ULK4: variants seen among roughly 807,000 people sequenced by gnomAD.
The protein encoded by ULK4 is inactive serine/threonine-protein kinase ULK4.
ULK4 carries 133 observed loss-of-function variants against 160.6 expected under a neutral mutation model. The observed-to-expected ratio is 0.83, with a 90% confidence interval of 0.72 to 0.96. The LOEUF (loss-of-function observed/expected upper bound fraction) is 0.96. Among genes scored for constraint, ULK4 ranks in the 40% least tolerant of loss-of-function variants. The probability of loss-of-function intolerance (pLI) is 0.00; values close to 1 mark genes in which losing one functional copy is unlikely to be tolerated. For missense variants in ULK4, 1,580 were observed against 1,499.5 expected (o/e 1.05, Z -0.89); for synonymous variants, 534 against 539.8 (o/e 0.99, Z 0.15).
chr3:41,471,070 A>T (rs1046559653), intron 32 of ULK4, among the ~76,000 whole-genome samples: 1 of 152,066 alleles, frequency 6.6e-6, no homozygotes, highest in Non-Finnish European at 1.5e-5. Flanking sequence ...AAAAAACCAC[A>T]AAACTAGACC....
rs911987763 is a variant in ULK4 at position 41,259,083 on chromosome 3, GATAT to G, written c.3679-9513_3679-9510del. Among the ~76,000 whole-genome samples the G allele has an allele frequency of 5.3e-4, 76 of 144,170 alleles. 1 individual carries two copies. Among genetic ancestry groups the G allele is most frequent in the African/African-American group, 2.0e-3 (72 of 36,822 alleles). 94.6% of individuals were successfully genotyped at this position (144,170 alleles called of 152,430 possible). A position where few individuals can be genotyped will look rare whatever the true frequency, so the allele number is the denominator to read the frequency against. On this transcript the variant is annotated intron_variant, in intron 35 of 36. Coordinates refer to ENST00000301831, the MANE Select transcript of ULK4 (RefSeq NM_017886.4). ...ATGTATATGTGTATATACATCTGAT[GATAT>G]ATATACATATATGTATATGTATATA...
chr3:41,707,908 G>C (rs1221224861), intron 25 of ULK4, among the ~76,000 whole-genome samples: 1 of 151,584 alleles, frequency 6.6e-6, no homozygotes, highest in Non-Finnish European at 1.5e-5. Flanking sequence ...ATAGGTATAT[G>C]AAAAAATGCT....
chr3:41,897,692 T>C (rs745474575), intron 14 of ULK4, among the ~76,000 whole-genome samples: 2 of 152,190 alleles, frequency 1.3e-5, no homozygotes, highest in Non-Finnish European at 2.9e-5. Flanking sequence ...TTGCTTCACT[T>C]GGCCTTTCAA....
At chr3:41,453,935 C>A (rs1032781729) in intron 34 of ULK4, among the ~76,000 whole-genome samples, 3 of 148,140 alleles carry the variant, frequency 2.0e-5, no homozygotes, top group African/African-American at 5.0e-5. Flanking sequence ...GGACAAAAAA[C>A]CAAACACCAC....
In ULK4 at chr3:41,907,959, G is replaced by GTTAACAT; in HGVS notation, c.1086-25_1086-19dup. On this transcript the variant is annotated intron_variant, in intron 11 of 36. Transcript: ENST00000301831. ...GACGAGAACTGAAAAATACAAACCA[G>GTTAACAT]TTAACATTATTCAATTCCAGACAGT... 1.3e-6 allele frequency: 2 copies of GTTAACAT among 1,550,050 alleles called. No individual in the cohort carries two copies. The highest frequency in any genetic ancestry group is 2.4e-5 in the South Asian group (2 of 83,486).
rs147905838 is a variant in ULK4, at chr3:41,648,212, G to A, written c.3071+15395C>T. Among the ~76,000 whole-genome samples, 1,405 of 152,186 alleles carry A rather than the reference G, an allele frequency of 9.2e-3. 19 individuals carry two copies. Among genetic ancestry groups the A allele is most frequent in the African/African-American group, 0.031 (1,293 of 41,508 alleles). On this transcript the variant is annotated intron_variant, in intron 30 of 36. Transcript: ENST00000301831. Reference sequence around the variant, plus strand: ...AAGTGCGCTGCTCCCACTGTCCTGCGCCCACTGTCTGGCACTCCCTAGTGA... The same window carrying A: ...AAGTGCGCTGCTCCCACTGTCCTGCACCCACTGTCTGGCACTCCCTAGTGA...
intron 12 of ULK4, among the ~76,000 whole-genome samples, chr3:41,906,886 G>A (rs1716664): frequency 0.69 from 104,565 of 151,884 alleles, 39,383 homozygotes; most frequent in East Asian, 0.83. Context: ...CCAGCGACTT[G>A]GTAGGCTGAG....
intron 35 of ULK4, among the ~76,000 whole-genome samples, chr3:41,366,101 G>A (rs1329657257): frequency 6.6e-6 from 1 of 152,114 alleles, no homozygotes; most frequent in Non-Finnish European, 1.5e-5. Flanking sequence ...TCAAAAGCTG[G>A]GGATGTCCTC....
chr3:41,919,355 G>A (rs574025155), intron 6 of ULK4, among the ~76,000 whole-genome samples: 1 of 152,238 alleles, frequency 6.6e-6, no homozygotes, highest in South Asian at 2.1e-4. Context: ...TAATCCCAGA[G>A]CTTTGGGAGG....
intron 18 of ULK4, among the ~76,000 whole-genome samples, chr3:41,828,477 A>C (rs911450233): frequency 1.4e-5 from 2 of 139,316 alleles, no homozygotes; most frequent in Non-Finnish European, 3.0e-5. Context: ...CAATGTACAA[A>C]AATCACAAGC....
intron 35 of ULK4, among the ~76,000 whole-genome samples, chr3:41,386,760 G>A (rs1279872106): frequency 6.6e-6 from 1 of 152,174 alleles, no homozygotes; most frequent in Non-Finnish European, 1.5e-5. Context: ...CAGATACTAG[G>A]AGGAGACCGC....
At chr3:41,657,538 T>G (rs914704214) in intron 30 of ULK4, among the ~76,000 whole-genome samples, 1 of 152,076 alleles carries the variant, frequency 6.6e-6, no homozygotes, top group Non-Finnish European at 1.5e-5. Context: ...GTTGACCATT[T>G]TGCCTCAAAA....
At chr3:41,391,097 TC>T (rs2081948415) in intron 35 of ULK4, among the ~76,000 whole-genome samples, 1 of 152,144 alleles carries the variant, frequency 6.6e-6, no homozygotes, top group Non-Finnish European at 1.5e-5. Context: ...ATATTTATCG[TC>T]CAGGTCCATT....
In ULK4 at chr3:41,409,385, T is replaced by A. The variant is rs144022176; in HGVS notation, c.3493-11121A>T. Among the ~76,000 whole-genome samples the A allele has an allele frequency of 6.1e-3, 934 of 152,270 alleles. 8 individuals carry two copies. The highest frequency in any genetic ancestry group is 0.021 in the African/African-American group (893 of 41,540). On this transcript the variant is annotated intron_variant, in intron 34 of 36. Coordinates refer to ENST00000301831, the MANE Select transcript of ULK4 (RefSeq NM_017886.4). Reference sequence around the variant, plus strand: ...GCAACAAAAGAAAAAATAGATAAACTAGACTTCATCAAAATCTAAAACTGA... The same window carrying A: ...GCAACAAAAGAAAAAATAGATAAACAAGACTTCATCAAAATCTAAAACTGA...
intron 32 of ULK4, among the ~76,000 whole-genome samples, chr3:41,563,768 T>C (rs2087688584): frequency 6.6e-6 from 1 of 152,208 alleles, no homozygotes; most frequent in Non-Finnish European, 1.5e-5. Flanking sequence ...TCTAAACTTT[T>C]TTCAAGGTTT....
chr3:41,406,346 T>A (rs140271196), intron 34 of ULK4, among the ~76,000 whole-genome samples: 6 of 152,360 alleles, frequency 3.9e-5, no homozygotes, highest in Admixed American at 3.9e-4. Flanking sequence ...TCTCTAACAG[T>A]ACCATGCTGT....
In ULK4 at chr3:41,591,317, T is replaced by C. The variant is rs142713449; in HGVS notation, c.3120+24352A>G. On this transcript the variant is annotated intron_variant, in intron 31 of 36. Coordinates refer to ENST00000301831, the MANE Select transcript of ULK4 (RefSeq NM_017886.4). ...GGAAAGAATTCTTTACCAGTATCTC[T>C]GCATGGAAAAAAAAGAAGTGGAGGG... Among the ~76,000 whole-genome samples the C allele has an allele frequency of 2.7e-3, 418 of 152,216 alleles. 3 individuals carry two copies. The highest frequency in any genetic ancestry group is 9.6e-3 in the African/African-American group (398 of 41,560).
chr3:41,672,539 T>C (rs1373824277), intron 29 of ULK4, among the ~76,000 whole-genome samples: 2 of 152,054 alleles, frequency 1.3e-5, no homozygotes. Flanking sequence ...TTCCAGACAC[T>C]AGGGAGGATG....
chr3:41,628,069 T>C (rs1196814518), intron 30 of ULK4, among the ~76,000 whole-genome samples: 8 of 152,190 alleles, frequency 5.3e-5, no homozygotes, highest in Admixed American at 2.0e-4. Flanking sequence ...AGATTTGCTG[T>C]TCAAACTCCA....
Sources: allele counts gnomAD v4.1 joint callset (sites outside exome capture counted in the v4.1 genomes callset), GRCh38; gene constraint gnomAD v4.1.1; transcripts MANE v1.5; gene names NCBI Gene and HGNC (gene_info 2026-07-23, HGNC 2026-07-21).